CTDP1: variants seen among roughly 807,000 people sequenced by gnomAD.
CTDP1 encodes the protein CTD phosphatase 1.
A neutral mutation model predicts 91.8 loss-of-function variants in CTDP1; 47 were observed. The observed-to-expected ratio is 0.51, with a 90% CI of 0.41 to 0.65. CTDP1 has a LOEUF of 0.65. Ranked by LOEUF, CTDP1 falls within the 30% of genes least tolerant of loss-of-function variation. CTDP1 has a pLI of 0.00. For synonymous variants in CTDP1, 656 were observed against 598.5 expected, an observed-to-expected ratio of 1.10 and a Z score of -1.40; for missense variants, 1,272 against 1,373.7, an observed-to-expected ratio of 0.93 and a Z score of 1.17.
At chr18:79,694,124 G>A (rs1293833558) in intron 1 of CTDP1, among the ~76,000 whole-genome samples, 3 of 151,736 alleles carry the variant, frequency 2.0e-5, no homozygotes, top group Admixed American at 6.6e-5. Flanking sequence ...CGCGGGTCAG[G>A]GTGGTCGGAG....
At chr18:79,688,978 C>T (rs2085565529) in intron 1 of CTDP1, among the ~76,000 whole-genome samples, 1 of 152,252 alleles carries the variant, frequency 6.6e-6, no homozygotes, top group Non-Finnish European at 1.5e-5. Flanking sequence ...TGCACACGCA[C>T]ATTTTTCTGG....
At chr18:79,730,846 G>A (rs1392687802) in intron 11 of CTDP1, among the ~76,000 whole-genome samples, 4 of 152,256 alleles carry the variant, frequency 2.6e-5, no homozygotes, top group African/African-American at 9.6e-5. Context: ...GGTCCTGTGA[G>A]GCTCATGTTG....
intron 11 of CTDP1, among the ~76,000 whole-genome samples, chr18:79,731,190 G>A (rs986525264): frequency 3.9e-5 from 6 of 152,318 alleles, no homozygotes; most frequent in African/African-American, 9.6e-5. Context: ...GGGCACAGAC[G>A]ATGGGGAGTC....
chr18:79,753,575 C>G, intron 12 of CTDP1, 77 bp from the exon 13 acceptor site: 2 of 1,610,956 alleles, frequency 1.2e-6, no homozygotes, highest in Non-Finnish European at 1.7e-6. Flanking sequence ...GAAGCCACTT[C>G]CCAAATGCAG....
rs766630055 is a variant in CTDP1 at position 79,697,968 on chromosome 18, T to G, written c.601T>G (p.Cys201Gly). The G allele has an allele frequency of 6.2e-7, 1 of 1,614,264 alleles. No homozygotes were observed. Among genetic ancestry groups the G allele is most frequent in the Non-Finnish European group, 8.5e-7 (1 of 1,180,040 alleles). Residue 201 changes from cysteine to glycine, a missense_variant, in exon 4 of 13, where the codon TGT becomes GGT. Around this residue, in one of 3 missense-constraint regions of CTDP1, gnomAD observed 177 missense variants for 283.0 expected, o/e 0.63. Coordinates refer to ENST00000613122, the MANE Select transcript of CTDP1 (RefSeq NM_004715.5). ...GTTGATTCACACAACCGAGCAGCAC[T>G]GTCAGCAGATGTCGAATAAAGTGAG... ...QTLIHTTEQH[C>G]QQMSNKGIFH...
At position 79,738,815 on chromosome 18, in the gene CTDP1, G is replaced by A. The variant is rs1020786249; in HGVS notation, c.2747+2294G>A. Among the ~76,000 whole-genome samples the A allele has an allele frequency of 3.9e-5, 6 of 152,254 alleles. No homozygotes were observed. In the East Asian group the frequency reaches 9.6e-4, roughly 24 times the overall value. On this transcript the variant is annotated intron_variant, in intron 12 of 12. Coordinates refer to ENST00000613122, the MANE Select transcript of CTDP1 (RefSeq NM_004715.5). ...AGCTTCTCTCCTGGCAACCCACTCT[G>A]TGTTTACCACGTAGAAAGCAGCATT...
At chr18:79,729,184 A>G in intron 11 of CTDP1, 115 bp downstream of exon 11, 2 of 1,331,082 alleles carry the variant, frequency 1.5e-6, no homozygotes, top group Admixed American at 1.7e-5. Context: ...AGAGTCCTGC[A>G]CTTGTGTAGT....
At chr18:79,701,013 T>G (rs567531209) in intron 4 of CTDP1, among the ~76,000 whole-genome samples, 1 of 152,230 alleles carries the variant, frequency 6.6e-6, no homozygotes, top group Non-Finnish European at 1.5e-5. Flanking sequence ...CTGACCATTC[T>G]AAGCCCGCTC....
chr18:79,753,792 C>T lies in CTDP1; in HGVS notation c.*2C>T, dbSNP rs140149044. ...GCGGAGCTCAACGACCTCATGTGAG[C>T]GCGGGCAGCGGGCAGGGACTGAAGC... On this transcript the variant is annotated 3_prime_UTR_variant, in exon 13 of 13. Coordinates refer to ENST00000613122, the MANE Select transcript of CTDP1 (RefSeq NM_004715.5). 52 of 1,612,632 alleles carry T rather than the reference C, an allele frequency of 3.2e-5. No homozygotes were observed. Among genetic ancestry groups the T allele is most frequent in the African/African-American group, 2.5e-4 (19 of 75,028 alleles).
downstream of CTDP1, chr18:79,756,213 G>C (rs777100336): frequency 2.2e-4 from 33 of 152,510 alleles, no homozygotes; most frequent in African/African-American, 7.7e-4. Context: ...TCTCCCGCCT[G>C]TCTCACTGTT....
At position 79,753,941 on chromosome 18, in the gene CTDP1, A is replaced by C; in HGVS notation, c.*151A>C. On this transcript the variant is annotated 3_prime_UTR_variant, in exon 13 of 13. Transcript: ENST00000613122. The stretch of plus-strand genomic sequence containing the variant: ...CACATACAGAAACACATTATTTTGC[A>C]GAAATAGGTGTTTTTAAGAAGTTTT... 9.0e-7 allele frequency: 1 copy of C among 1,109,432 alleles called. No homozygotes were observed. Among genetic ancestry groups the C allele is most frequent in the Non-Finnish European group, 1.3e-6 (1 of 780,810 alleles). The allele number at this position is 1,109,432 out of a possible 1,614,324, so 68.7% of individuals were successfully genotyped here. A position where few individuals can be genotyped will look rare whatever the true frequency, so the allele number is the denominator to read the frequency against.
At chr18:79,706,481 A>T (rs2085968978) in intron 5 of CTDP1, among the ~76,000 whole-genome samples, 1 of 152,094 alleles carries the variant, frequency 6.6e-6, no homozygotes, top group Non-Finnish European at 1.5e-5. Context: ...TCACAATAAC[A>T]AATGTCAGGG....
At position 79,696,043 on chromosome 18, in the gene CTDP1, C is replaced by T. The variant is rs767097152; in HGVS notation, c.465C>T (p.Ser155=). 17 of 1,612,104 alleles carry T rather than the reference C, an allele frequency of 1.1e-5. No homozygotes were observed. Among genetic ancestry groups the T allele is most frequent in the Admixed American group, 3.3e-5 (2 of 60,010 alleles). ...CGGCGACCGTGTCCATGGTGCACAGCGTGCCGGAGTTGATGGTGAGCTCCG... is the reference window on the plus strand; with the variant it reads ...CGGCGACCGTGTCCATGGTGCACAGTGTGCCGGAGTTGATGGTGAGCTCCG... The part of the protein sequence containing the change: ...LSTATVSMVH[S]VPELMVSSEQ... The change falls in exon 3 of 13, where the codon AGC becomes AGT. Residue 155 remains serine, a synonymous_variant. Transcript: ENST00000613122.
At chr18:79,694,063 C>A (rs190722515) in intron 1 of CTDP1, among the ~76,000 whole-genome samples, 1 of 152,226 alleles carries the variant, frequency 6.6e-6, no homozygotes, top group African/African-American at 2.4e-5. Flanking sequence ...TGGGGCATCC[C>A]GCCTGGAAAG....
chr18:79,744,571 T>G (rs148523437), intron 12 of CTDP1, among the ~76,000 whole-genome samples: 26 of 152,248 alleles, frequency 1.7e-4, no homozygotes, highest in Non-Finnish European at 3.5e-4. Context: ...TCCGCTAATA[T>G]CAGAGAAGAC....
At chr18:79,738,899 T>C (rs2086720525) in intron 12 of CTDP1, among the ~76,000 whole-genome samples, 1 of 152,254 alleles carries the variant, frequency 6.6e-6, no homozygotes, top group Non-Finnish European at 1.5e-5. Flanking sequence ...AATTCCGTAT[T>C]GGGTGATAAC....
chr18:79,715,079 G>A lies in CTDP1; in HGVS notation c.1619G>A (p.Gly540Asp), dbSNP rs1468780176. The A allele has an allele frequency of 2.5e-6, 4 of 1,612,806 alleles. No homozygotes were observed. The highest frequency in any genetic ancestry group is 2.5e-6 in the Non-Finnish European group (3 of 1,179,830). Residue 540 changes from glycine to aspartate, a missense_variant, in exon 8 of 13, where the codon GGC (glycine) becomes GAC (aspartate). This residue lies in a region of CTDP1 where 881 missense variants were observed against 911.6 expected (regional missense o/e 0.97). Coordinates refer to ENST00000613122, the MANE Select transcript of CTDP1 (RefSeq NM_004715.5). ...GGGCAGGAGGAGGGCGAGCGGGATG[G>A]CCTCTGCGGCCTGGGCAACGGCTGT... is the stretch of plus-strand genomic sequence containing the variant. ...LGGQEEGERD[G>D]LCGLGNGCAD...
intron 5 of CTDP1, 78 bp from the exon 6 acceptor site, chr18:79,710,268 C>A: frequency 8.7e-7 from 1 of 1,145,694 alleles, no homozygotes; most frequent in Non-Finnish European, 1.3e-6. Context: ...TTAAAAAAAA[C>A]ATTCAAGGCT....
chr18:79,729,096 C>T (rs373189672), intron 11 of CTDP1, 27 bp downstream of exon 11: 25 of 1,611,734 alleles, frequency 1.6e-5, no homozygotes, highest in South Asian at 7.7e-5. Flanking sequence ...CCCCGGTGCC[C>T]GCGCCAGCGC....
Sources: allele counts gnomAD v4.1 joint callset (sites outside exome capture counted in the v4.1 genomes callset), GRCh38; gene constraint gnomAD v4.1.1; regional missense constraint gnomAD v4.1.1; transcripts MANE v1.5; gene names NCBI Gene and HGNC (gene_info 2026-07-23, HGNC 2026-07-21).